ATXN3: variants seen among roughly 807,000 people sequenced by gnomAD.
ATXN3 encodes the protein ataxin-3.
A neutral mutation model predicts 58.2 loss-of-function variants in ATXN3; 28 were observed. That is an observed-to-expected ratio of 0.48 (90% CI 0.36 to 0.66). The LOEUF is 0.66. ATXN3 is among the 30% of genes least tolerant of loss of function. The pLI is 0.00. For missense variants in ATXN3, 321 were observed against 422.1 expected (o/e 0.76, Z 2.10); for synonymous variants, 113 against 138.5 (o/e 0.82, Z 1.29).
Position 92,082,381 on chromosome 14 carries a change from C to A in ATXN3, c.694G>T (p.Ala232Ser). The change falls in exon 8 of 11, where the codon GCT (alanine) becomes TCT (serine). Residue 232 changes from alanine to serine, a missense_variant. By Grantham distance (99) the Ala-to-Ser change is moderately conservative. Around this residue, in one of 2 missense-constraint regions of ATXN3, gnomAD observed 200 missense variants for 223.2 expected, o/e 0.90. Coordinates refer to ENST00000644486, the MANE Select transcript of ATXN3 (RefSeq NM_004993.6). ...ATTTCTTGGCGACTTAGTGCCAGAG[C>A]CCTCTGCAAATCCTCCTCATCTTCG... Reference protein sequence around the residue: ...LDEDEEDLQRALALSRQEIDM... With the variant: ...LDEDEEDLQRSLALSRQEIDM... 1.2e-6 allele frequency: 2 copies of A among 1,613,704 alleles called. No homozygotes were observed. The highest frequency in any genetic ancestry group is 1.1e-5 in the South Asian group (1 of 91,078).
At chr14:92,096,197 T>C in intron 2 of ATXN3, 60 bp from the exon 3 acceptor site, 1 of 1,611,984 alleles carries the variant, frequency 6.2e-7, no homozygotes, top group Non-Finnish European at 8.5e-7. Flanking sequence ...GGATACAAAC[T>C]GTCATTAGCG....
At chr14:92,056,457 G>A (rs1255116921), downstream of ATXN3, among the ~76,000 whole-genome samples, 1 of 152,080 alleles carries the variant, frequency 6.6e-6, no homozygotes, top group African/African-American at 2.4e-5. Context: ...AAATTTGGAC[G>A]TATGCTACAA....
chr14:92,102,108 G>A (rs2066957262), intron 1 of ATXN3, among the ~76,000 whole-genome samples: 3 of 151,716 alleles, frequency 2.0e-5, no homozygotes, highest in South Asian at 2.1e-4. Context: ...AGCTGAGTTC[G>A]CGCCACTGCA....
intron 1 of ATXN3, among the ~76,000 whole-genome samples, chr14:92,102,280 G>A (rs1003403184): frequency 2.7e-5 from 4 of 149,802 alleles, no homozygotes; most frequent in African/African-American, 7.4e-5. Flanking sequence ...AGAAAGGAGG[G>A]AGGGAGGGAA....
intron 8 of ATXN3, among the ~76,000 whole-genome samples, chr14:92,081,465 C>CAAAAAAA (rs58398762): frequency 4.8e-5 from 4 of 82,964 alleles, no homozygotes; most frequent in Non-Finnish European, 5.0e-5. Context: ...GACTCTGACT[C>CAAAAAAA]AAAAAAAAAA....
At chr14:92,070,806 A>T (rs775494652) in intron 10 of ATXN3, 129 bp downstream of exon 10, 1 of 1,546,712 alleles carries the variant, frequency 6.5e-7, no homozygotes, top group Non-Finnish European at 8.7e-7. Flanking sequence ...GTAGATTACA[A>T]ATTTACTTAA....
chr14:92,097,986 T>C (rs952209200), intron 1 of ATXN3, among the ~76,000 whole-genome samples: 2 of 152,146 alleles, frequency 1.3e-5, no homozygotes, highest in African/African-American at 4.8e-5. Flanking sequence ...TAAACAAACA[T>C]CATCTATCAA....
intron 6 of ATXN3, among the ~76,000 whole-genome samples, chr14:92,086,829 G>A (rs2140907778): frequency 6.6e-6 from 1 of 151,700 alleles, no homozygotes; most frequent in East Asian, 1.9e-4. Flanking sequence ...AAAAAGGGGG[G>A]GGGAACTGAT....
rs2057732175 is a variant in ATXN3, at chr14:92,060,861, T to C, written c.*3459A>G. On this transcript the variant is annotated 3_prime_UTR_variant, in exon 11 of 11. Transcript: ENST00000644486. Reference sequence around the variant, plus strand: ...AATTCTCCTGCCTCAGACTCCCAGGTAGCTGGGATTACAGGCACCTGCCAC... The same window carrying C: ...AATTCTCCTGCCTCAGACTCCCAGGCAGCTGGGATTACAGGCACCTGCCAC... 6.6e-6 allele frequency: 1 copy of C among 152,010 alleles called. No homozygotes were observed. Among genetic ancestry groups the C allele is most frequent in the Non-Finnish European group, 1.5e-5 (1 of 68,064 alleles). 9.4% of individuals were successfully genotyped at this position (152,010 alleles called of 1,614,324 possible).
intron 9 of ATXN3, chr14:92,073,474 G>A (rs1459676263): frequency 6.6e-6 from 1 of 152,296 alleles, no homozygotes; most frequent in Non-Finnish European, 1.5e-5. Context: ...GGGAGGCCAA[G>A]GCAGGCGGAT....
chr14:92,090,959 T>G (rs1595871504), intron 5 of ATXN3, among the ~76,000 whole-genome samples: 1 of 148,786 alleles, frequency 6.7e-6, no homozygotes, highest in Non-Finnish European at 1.5e-5. Context: ...TTTTTTTTTT[T>G]TTTTTTGTAG....
At chr14:92,091,188 C>T (rs1338616562) in intron 5 of ATXN3, among the ~76,000 whole-genome samples, 4 of 152,070 alleles carry the variant, frequency 2.6e-5, no homozygotes, top group East Asian at 1.9e-4. Flanking sequence ...TGGTGGCTCA[C>T]GCCTGTAACC....
At chr14:92,100,927 C>T (rs2066624248) in intron 1 of ATXN3, among the ~76,000 whole-genome samples, 1 of 152,142 alleles carries the variant, frequency 6.6e-6, no homozygotes, top group African/African-American at 2.4e-5. Flanking sequence ...ACACAAATTT[C>T]CTGTCTTGCT....
At chr14:92,093,614 A>G in intron 4 of ATXN3, 132 bp downstream of exon 4, 10 of 749,924 alleles carry the variant, frequency 1.3e-5, no homozygotes, top group South Asian at 5.6e-5. Flanking sequence ...GTGAAATAGG[A>G]AAGTCTGAGT....
intron 9 of ATXN3, among the ~76,000 whole-genome samples, chr14:92,079,171 G>A (rs2060980088): frequency 8.4e-6 from 1 of 119,270 alleles, no homozygotes; most frequent in Non-Finnish European, 1.6e-5. Flanking sequence ...GGGCAACAGA[G>A]CAAGACTCCA....
chr14:92,080,970 A>C lies in ATXN3; in HGVS notation c.867T>G (p.Phe289Leu). The change falls in exon 9 of 11, where the codon TTT (phenylalanine) becomes TTG (leucine). Residue 289 changes from phenylalanine (F) to leucine (L), a missense_variant. Coordinates refer to ENST00000644486, the MANE Select transcript of ATXN3 (RefSeq NM_004993.6). ...ACTTGTACCAACTACTTTACTTTTCAAAGTAGGCTTCTCGTCTCTTCCGAA... is the reference window on the plus strand; with the variant it reads ...ACTTGTACCAACTACTTTACTTTTCCAAGTAGGCTTCTCGTCTCTTCCGAA... Reference protein sequence around the residue: ...EELRKRREAYFEKQQQKQQQQ... With the variant: ...EELRKRREAYLEKQQQKQQQQ... 1 of 1,605,066 alleles carries C rather than the reference A, an allele frequency of 6.2e-7. No homozygotes were observed. Among genetic ancestry groups the C allele is most frequent in the South Asian group, 1.1e-5 (1 of 90,874 alleles).
chr14:92,100,507 T>C (rs1759810363), intron 1 of ATXN3, among the ~76,000 whole-genome samples: 1 of 150,866 alleles, frequency 6.6e-6, no homozygotes, highest in South Asian at 2.1e-4. Flanking sequence ...TAGATAACAA[T>C]GAGGATGAAT....
In ATXN3 at chr14:92,101,163, T is replaced by C. The variant is rs974634528; in HGVS notation, c.25-4325A>G. Among the ~76,000 whole-genome samples, 12 of 152,136 alleles carry C rather than the reference T, an allele frequency of 7.9e-5. No homozygotes were observed. The East Asian group carries it at 2.3e-3, about 29-fold the overall frequency. ...TGGAAGGAAAGGACAAACTGTTCAG[T>C]ACAAATTTAAAAATCACTTAAGGCT... is the stretch of plus-strand genomic sequence containing the variant. On this transcript the variant is annotated intron_variant, in intron 1 of 10. Coordinates refer to ENST00000644486, the MANE Select transcript of ATXN3 (RefSeq NM_004993.6).
downstream of ATXN3, among the ~76,000 whole-genome samples, chr14:92,056,564 T>C (rs571532995): frequency 3.9e-5 from 6 of 152,208 alleles, no homozygotes; most frequent in East Asian, 9.7e-4. Flanking sequence ...CTTAGAATCA[T>C]AGAGACAAAG....
Sources: gnomAD v4.1 joint callset for allele counts (sites outside exome capture counted in the v4.1 genomes callset) on GRCh38, gnomAD v4.1.1 for gene constraint, gnomAD v4.1.1 regional missense constraint, MANE v1.5 for transcripts, NCBI Gene and HGNC (gene_info 2026-07-23, HGNC 2026-07-21) for gene names.